SLC71A2: variants seen among roughly 807,000 people sequenced by gnomAD.
The protein encoded by SLC71A2 is solute carrier family 71 member 2.
the SLC71A2 span, among the ~76,000 whole-genome samples, chr9:94,456,823 A>G: frequency 6.6e-6 from 1 of 152,176 alleles, no homozygotes; most frequent in African/African-American, 2.4e-5. Context: ...GTGAGAGATG[A>G]AATTAAAATT....
At chr9:94,390,545 G>A in the SLC71A2 span, among the ~76,000 whole-genome samples, 1 of 151,700 alleles carries the variant, frequency 6.6e-6, no homozygotes, top group African/African-American at 2.4e-5. Context: ...CTTATTGGGG[G>A]AGGATTAGTG....
the SLC71A2 span, among the ~76,000 whole-genome samples, chr9:94,452,633 T>A: frequency 3.3e-3 from 328 of 98,282 alleles, no homozygotes; most frequent in South Asian, 7.6e-3. Context: ...ATATATATAT[T>A]TTCATATATA....
At chr9:94,440,997 G>A in the SLC71A2 span, 6 of 1,607,608 alleles carry the variant, frequency 3.7e-6, no homozygotes, top group Admixed American at 1.7e-5. Context: ...GGTATTTTGC[G>A]ATGATTTCTG....
the SLC71A2 span, among the ~76,000 whole-genome samples, chr9:94,386,411 A>G: frequency 6.6e-6 from 1 of 151,280 alleles, no homozygotes; most frequent in Non-Finnish European, 1.5e-5. Context: ...GTGAGTGAAA[A>G]AAGTTTTTTA....
chr9:94,456,788 CTG>C, the SLC71A2 span, among the ~76,000 whole-genome samples: 2 of 152,112 alleles, frequency 1.3e-5, no homozygotes, highest in Non-Finnish European at 2.9e-5. Context: ...AAGAAAAAGT[CTG>C]TGTGGTTGTT....
chr9:94,405,368 G>A, the SLC71A2 span, among the ~76,000 whole-genome samples: 4 of 151,958 alleles, frequency 2.6e-5, no homozygotes, highest in Non-Finnish European at 4.4e-5. Flanking sequence ...GGTGGCGGGC[G>A]CCTGTAGTCC....
At chr9:94,447,020 T>C in the SLC71A2 span, 1 of 730,366 alleles carries the variant, frequency 1.4e-6, no homozygotes, top group South Asian at 1.7e-5. Context: ...AGGAAACCAC[T>C]GCAGAGGAAA....
At chr9:94,400,452 T>C in the SLC71A2 span, among the ~76,000 whole-genome samples, 1 of 150,624 alleles carries the variant, frequency 6.6e-6, no homozygotes, top group Non-Finnish European at 1.5e-5. Flanking sequence ...ATAATTTCTA[T>C]GGGGAAATTG....
the SLC71A2 span, among the ~76,000 whole-genome samples, chr9:94,396,560 C>A: frequency 1.3e-5 from 2 of 152,036 alleles, no homozygotes; most frequent in African/African-American, 2.4e-5. Context: ...GTGGGGTTGG[C>A]AAACTTTTTT....
the SLC71A2 span, among the ~76,000 whole-genome samples, chr9:94,399,094 G>C: frequency 6.6e-6 from 1 of 152,164 alleles, no homozygotes; most frequent in Non-Finnish European, 1.5e-5. Flanking sequence ...TAGGATTACA[G>C]ATGTGAGCCA....
the SLC71A2 span, among the ~76,000 whole-genome samples, chr9:94,410,488 A>G: frequency 1.3e-5 from 2 of 151,900 alleles, no homozygotes; most frequent in African/African-American, 2.4e-5. Flanking sequence ...ATCCTTCCAA[A>G]TAGCTGGGAC....
the SLC71A2 span, chr9:94,446,696 C>T: frequency 2.0e-6 from 1 of 496,226 alleles, no homozygotes; most frequent in Non-Finnish European, 3.6e-6. Flanking sequence ...ATAGAACTTC[C>T]TTTTATTAAC....
the SLC71A2 span, among the ~76,000 whole-genome samples, chr9:94,433,825 T>C: frequency 1.3e-5 from 2 of 152,132 alleles, no homozygotes; most frequent in Admixed American, 6.5e-5. Flanking sequence ...GAATGGAAAG[T>C]AGTTAAAAAT....
At chr9:94,456,163 T>G in the SLC71A2 span, 1 of 912,322 alleles carries the variant, frequency 1.1e-6, no homozygotes, top group Non-Finnish European at 1.7e-6. Flanking sequence ...TTTGTACTTT[T>G]GCCACTGATT....
At chr9:94,452,668 C>CAT in the SLC71A2 span, among the ~76,000 whole-genome samples, 5 of 48,076 alleles carry the variant, frequency 1.0e-4, no homozygotes, top group African/African-American at 3.6e-4. Context: ...CATATATATT[C>CAT]ATATATATTC....
the SLC71A2 span, chr9:94,459,574 T>TG: frequency 4.0e-6 from 1 of 249,798 alleles, no homozygotes; most frequent in Middle Eastern, 1.3e-3. Flanking sequence ...CTCCTCCTGT[T>TG]TTTTTTTTTT....
At chr9:94,407,302 A>G in the SLC71A2 span, among the ~76,000 whole-genome samples, 1 of 152,062 alleles carries the variant, frequency 6.6e-6, no homozygotes, top group Non-Finnish European at 1.5e-5. Context: ...CTGCTTAATA[A>G]ACTGTTGAAT....
At chr9:94,379,297 G>A in the SLC71A2 span, among the ~76,000 whole-genome samples, 40,960 of 146,124 alleles carry the variant, frequency 0.28, 7,252 homozygotes, top group East Asian at 0.56. Context: ...TGTTGGCCAG[G>A]CTGGTCTTGA....
chr9:94,449,129 C>G, the SLC71A2 span, among the ~76,000 whole-genome samples: 2 of 152,174 alleles, frequency 1.3e-5, no homozygotes, highest in African/African-American at 4.8e-5. Context: ...AAAGTTACAT[C>G]TCTTTATGTA....
Sources: allele counts gnomAD v4.1 joint callset (sites outside exome capture counted in the v4.1 genomes callset), GRCh38; gene constraint gnomAD v4.1.1; transcripts MANE v1.5; gene names NCBI Gene and HGNC (gene_info 2026-07-23, HGNC 2026-07-21).